AP1S3: variants seen among roughly 807,000 people sequenced by gnomAD.
AP1S3 encodes the protein adaptor related protein complex 1 subunit sigma 3.
A neutral mutation model predicts 20.9 loss-of-function variants in AP1S3; 10 were observed. The ratio of observed to expected loss-of-function variants is 0.48; its 90% CI spans 0.29 to 0.81. AP1S3 has a LOEUF of 0.81. Ranked by LOEUF, AP1S3 falls within the 30% of genes least tolerant of loss-of-function variation. The probability of loss-of-function intolerance (pLI) is 0.08; values close to 1 mark genes in which losing one functional copy is unlikely to be tolerated. For synonymous variants in AP1S3, 41 were observed against 61.5 expected (o/e 0.67, Z 1.56); for missense variants, 154 against 183.8 (o/e 0.84, Z 0.94).
At chr2:223,798,881 G>T (rs1691406542) in intron 1 of AP1S3, among the ~76,000 whole-genome samples, 1 of 152,158 alleles carries the variant, frequency 6.6e-6, no homozygotes, top group Non-Finnish European at 1.5e-5. Flanking sequence ...AGACCAGCCT[G>T]GCCAACGTGG....
At chr2:223,832,133 CTCTGTGTG>C (rs1409713212) in intron 1 of AP1S3, among the ~76,000 whole-genome samples, 695 of 43,014 alleles carry the variant, frequency 0.016, 32 homozygotes, top group African/African-American at 0.052. Flanking sequence ...GGAGTTTTCT[CTCTGTGTG>C]TGTGTGTGTG....
chr2:223,762,797 C>A (rs1413191684), intron 4 of AP1S3, among the ~76,000 whole-genome samples: 2 of 152,086 alleles, frequency 1.3e-5, no homozygotes, highest in African/African-American at 2.4e-5. Flanking sequence ...TTCTAAGAAA[C>A]TGTTATTAAG....
chr2:223,811,196 G>A (rs1485186132), intron 1 of AP1S3, among the ~76,000 whole-genome samples: 1 of 151,572 alleles, frequency 6.6e-6, no homozygotes, highest in Non-Finnish European at 1.5e-5. Flanking sequence ...GGGTTCAAGC[G>A]ATTCTCCTGC....
intron 1 of AP1S3, among the ~76,000 whole-genome samples, chr2:223,800,851 G>A (rs1227776162): frequency 6.6e-6 from 1 of 152,110 alleles, no homozygotes; most frequent in Non-Finnish European, 1.5e-5. Context: ...GGACAAGAAA[G>A]GGAAATAAAA....
intron 1 of AP1S3, among the ~76,000 whole-genome samples, chr2:223,796,971 G>A (rs1258094870): frequency 6.6e-6 from 1 of 152,078 alleles, no homozygotes; most frequent in East Asian, 1.9e-4. Context: ...GCCCTCTAAC[G>A]ACTTTTTCTA....
At position 223,756,443 on chromosome 2, in the gene AP1S3, G is replaced by T; in HGVS notation, c.*2272C>A. On this transcript the variant is annotated 3_prime_UTR_variant, in exon 5 of 5. Coordinates refer to ENST00000396654, the MANE Select transcript of AP1S3 (RefSeq NM_001039569.2). ...AGAGAGAGAAGAAGGAAGGAAGAAA[G>T]GAAGGAAAAGAAAGAAAGAAAGAAA... 2 of 779,530 alleles carry T rather than the reference G, an allele frequency of 2.6e-6. No individual in the cohort carries two copies. Among genetic ancestry groups the T allele is most frequent in the Non-Finnish European group, 3.0e-6 (2 of 675,164 alleles). 48.3% of individuals were successfully genotyped at this position (779,530 alleles called of 1,614,324 possible).
At chr2:223,786,111 A>C (rs1351115319) in intron 1 of AP1S3, among the ~76,000 whole-genome samples, 1 of 152,196 alleles carries the variant, frequency 6.6e-6, no homozygotes, top group Non-Finnish European at 1.5e-5. Flanking sequence ...TTGTGAACTT[A>C]ACACTGCTCT....
intron 1 of AP1S3, among the ~76,000 whole-genome samples, chr2:223,824,896 T>C (rs555033652): frequency 6.6e-6 from 1 of 152,302 alleles, no homozygotes; most frequent in African/African-American, 2.4e-5. Context: ...TTTTTAGTTA[T>C]GTGAAAAATT....
chr2:223,774,585 G>A (rs973017352), intron 3 of AP1S3, among the ~76,000 whole-genome samples: 16 of 151,956 alleles, frequency 1.1e-4, no homozygotes, highest in African/African-American at 3.4e-4. Flanking sequence ...GGGCAAGAGG[G>A]CGAACAGAGA....
chr2:223,772,656 A>C (rs1690661071), intron 3 of AP1S3, among the ~76,000 whole-genome samples: 1 of 149,864 alleles, frequency 6.7e-6, no homozygotes, highest in Non-Finnish European at 1.5e-5. Flanking sequence ...AAAAGTGCTA[A>C]AAAAAAATAC....
chr2:223,808,009 C>T (rs1691628471), intron 1 of AP1S3, among the ~76,000 whole-genome samples: 1 of 151,608 alleles, frequency 6.6e-6, no homozygotes, highest in Non-Finnish European at 1.5e-5. Flanking sequence ...CCCACCTCAG[C>T]CTCCTCAGTA....
intron 1 of AP1S3, among the ~76,000 whole-genome samples, chr2:223,788,384 G>C (rs868548467): frequency 9.9e-5 from 15 of 151,712 alleles, no homozygotes; most frequent in Admixed American, 6.6e-4. Context: ...AGACCGAGGC[G>C]GGCACATCAC....
In AP1S3 at chr2:223,824,550, G is replaced by T. The variant is rs548699567; in HGVS notation, c.3+12898C>A. ...TCTCCAAATGCAAAAGGCAGGTGGG[G>T]TTTTTTTTTGAGAATCTTGCTCTGT... On this transcript the variant is annotated intron_variant, in intron 1 of 4. Coordinates refer to ENST00000396654, the MANE Select transcript of AP1S3 (RefSeq NM_001039569.2). 4.0e-5 allele frequency among the ~76,000 whole-genome samples: 6 copies of T among 151,422 alleles called. No homozygotes were observed. The East Asian group carries it at 9.8e-4, about 25-fold the overall frequency.
At chr2:223,803,834 C>T (rs988487065) in intron 1 of AP1S3, among the ~76,000 whole-genome samples, 1 of 149,692 alleles carries the variant, frequency 6.7e-6, no homozygotes, top group South Asian at 2.1e-4. Flanking sequence ...GAGCCGAGAT[C>T]GCGCCACTGC....
chr2:223,828,074 A>G (rs1367819562), intron 1 of AP1S3, among the ~76,000 whole-genome samples: 7 of 38,962 alleles, frequency 1.8e-4, no homozygotes, highest in South Asian at 9.5e-4. Flanking sequence ...AAAAAAAAAA[A>G]AAAAAAAAAA....
In AP1S3 at chr2:223,780,431, A is replaced by ACT. The variant is rs139734235; in HGVS notation, c.4-2564_4-2563dup. ...GACGAGGTCTCCCTATGCTGCCCAG[A>ACT]CTGGTCTCAAACTCAAGCCTACAGA... On this transcript the variant is annotated intron_variant, in intron 1 of 4. Transcript: ENST00000396654. 4.0e-3 allele frequency among the ~76,000 whole-genome samples: 559 copies of ACT among 139,570 alleles called. 6 individuals are homozygous for ACT. The highest frequency in any genetic ancestry group is 0.014 in the African/African-American group (519 of 36,632). 91.6% of individuals were successfully genotyped at this position (139,570 alleles called of 152,430 possible).
intron 1 of AP1S3, among the ~76,000 whole-genome samples, chr2:223,793,382 C>G (rs1159259134): frequency 6.6e-6 from 1 of 152,180 alleles, no homozygotes; most frequent in East Asian, 1.9e-4. Context: ...ACATGGAATA[C>G]TATGCAGCCA....
chr2:223,756,064 T>C lies in AP1S3; in HGVS notation c.*2651A>G. On this transcript the variant is annotated 3_prime_UTR_variant, in exon 5 of 5. Transcript: ENST00000396654. Reference sequence around the variant, plus strand: ...TTGAAAAATAAAGAATTTGGCCGGGTGCAGCGGCTCATGCCTGTAATTCCA... The same window carrying C: ...TTGAAAAATAAAGAATTTGGCCGGGCGCAGCGGCTCATGCCTGTAATTCCA... 1.0e-6 allele frequency: 1 copy of C among 985,248 alleles called. No homozygotes were observed. Among genetic ancestry groups the C allele is most frequent in the Non-Finnish European group, 1.2e-6 (1 of 829,816 alleles). 61.0% of individuals were successfully genotyped at this position (985,248 alleles called of 1,614,324 possible).
intron 1 of AP1S3, among the ~76,000 whole-genome samples, chr2:223,803,772 C>T (rs866953061): frequency 3.3e-5 from 5 of 150,934 alleles, no homozygotes; most frequent in African/African-American, 4.9e-5. Context: ...CCCAGCTACT[C>T]GGGAGGCTGA....
Sources: gnomAD v4.1 joint callset for allele counts (sites outside exome capture counted in the v4.1 genomes callset) on GRCh38, gnomAD v4.1.1 for gene constraint, MANE v1.5 for transcripts, NCBI Gene and HGNC (gene_info 2026-07-23, HGNC 2026-07-21) for gene names.